The following SIPA1L3 variants were observed in gnomAD, a reference collection of about 807,000 sequenced individuals.
SIPA1L3 encodes the protein signal-induced proliferation-associated 1-like protein 3.
A neutral mutation model predicts 150.1 loss-of-function variants in SIPA1L3; 59 were observed. That is an observed-to-expected ratio of 0.39 (90% CI 0.32 to 0.49). The LOEUF (loss-of-function observed/expected upper bound fraction) is 0.49, where lower values mean the gene tolerates loss of function less well. Ranked by LOEUF, SIPA1L3 falls within the 20% of genes least tolerant of loss-of-function variation. The pLI, the probability that SIPA1L3 is intolerant of heterozygous loss-of-function variation, is 0.86. For missense variants in SIPA1L3, 2,211 were observed against 2,489.5 expected (o/e 0.89, Z 2.38); for synonymous variants, 1,070 against 1,077.6 (o/e 0.99, Z 0.14).
At chr19:37,984,330 A>G (rs1273047889) in intron 1 of SIPA1L3, among the ~76,000 whole-genome samples, 3 of 152,186 alleles carry the variant, frequency 2.0e-5, no homozygotes, top group Non-Finnish European at 2.9e-5. Context: ...AGAAGCATAC[A>G]TCTAGTAGGA....
intron 2 of SIPA1L3, among the ~76,000 whole-genome samples, chr19:38,057,116 C>G (rs1969334479): frequency 6.6e-6 from 1 of 151,734 alleles, no homozygotes; most frequent in Non-Finnish European, 1.5e-5. Flanking sequence ...ACTACAAATA[C>G]AAAAATTAGT....
rs374911125 is a variant in SIPA1L3 at position 38,046,173 on chromosome 19, G to C, written c.-311+17017G>C. On this transcript the variant is annotated intron_variant, in intron 2 of 21. Transcript: ENST00000222345. The surrounding 1 kb of genome is among the most constrained non-coding windows in gnomAD (Gnocchi z 5.6). ...TAGACGAGAAGGTGCCCTGGTTCTC[G>C]ACTCATCAGCCTCTAGGAAAGAAGC... Among the ~76,000 whole-genome samples the C allele has an allele frequency of 3.8e-4, 58 of 152,118 alleles. No homozygotes were observed. In the South Asian group the frequency reaches 0.012, roughly 30 times the overall value.
intron 1 of SIPA1L3, among the ~76,000 whole-genome samples, chr19:38,022,123 C>A (rs1568505907): frequency 6.6e-6 from 1 of 152,194 alleles, no homozygotes; most frequent in East Asian, 1.9e-4. Context: ...GGGTTCAAAT[C>A]CCTCCTGGCT....
At chr19:38,004,154 A>G (rs891382555) in intron 1 of SIPA1L3, among the ~76,000 whole-genome samples, 1 of 152,174 alleles carries the variant, frequency 6.6e-6, no homozygotes, top group Non-Finnish European at 1.5e-5. Flanking sequence ...AATCCATTTA[A>G]CAGCTCAATC....
At chr19:38,166,804 G>A (rs572313352) in intron 15 of SIPA1L3, among the ~76,000 whole-genome samples, 4 of 152,056 alleles carry the variant, frequency 2.6e-5, no homozygotes, top group South Asian at 2.1e-4. Context: ...CTCCTGTGGC[G>A]CCCTAAAGCC....
chr19:38,081,817 C>G lies in SIPA1L3; in HGVS notation c.252C>G (p.Ala84=). The part of the protein sequence containing the change: ...MPKMGVRARV[A]DWPPKREALR... ...AGATGGGCGTGCGCGCAAGGGTGGC[C>G]GACTGGCCGCCCAAGCGGGAGGCCC... Residue 84 remains alanine (A), a synonymous_variant, in exon 3 of 22, where the codon GCC becomes GCG. Coordinates refer to ENST00000222345, the MANE Select transcript of SIPA1L3 (RefSeq NM_015073.3). 6.2e-7 allele frequency: 1 copy of G among 1,613,604 alleles called. No individual in the cohort carries two copies. Among genetic ancestry groups the G allele is most frequent in the Non-Finnish European group, 8.5e-7 (1 of 1,179,838 alleles).
chr19:38,133,257 C>A (rs1971355501), intron 10 of SIPA1L3, among the ~76,000 whole-genome samples: 2 of 152,234 alleles, frequency 1.3e-5, no homozygotes, highest in Non-Finnish European at 2.9e-5. Context: ...CCCCTCCAGT[C>A]CTGTTTCACA....
At position 38,206,296 on chromosome 19, in the gene SIPA1L3, C is replaced by G; in HGVS notation, c.*56C>G. 6.7e-7 allele frequency: 1 copy of G among 1,489,698 alleles called. No homozygotes were observed. Among genetic ancestry groups the G allele is most frequent in the Non-Finnish European group, 9.0e-7 (1 of 1,111,444 alleles). The allele number at this position is 1,489,698 out of a possible 1,614,324, so 92.3% of individuals were successfully genotyped here. ...TCCCCTCAGGCCGTGGCCCTGCTGC[C>G]TCTCTCCCTCCACTCAGCTCCCAGC... On this transcript the variant is annotated 3_prime_UTR_variant, in exon 22 of 22. Coordinates refer to ENST00000222345, the MANE Select transcript of SIPA1L3 (RefSeq NM_015073.3).
intron 1 of SIPA1L3, among the ~76,000 whole-genome samples, chr19:37,935,521 T>G (rs1365805831): frequency 6.6e-6 from 1 of 152,204 alleles, no homozygotes; most frequent in Non-Finnish European, 1.5e-5. Flanking sequence ...AGTTTCTTAT[T>G]TCTTGTGAAC....
intron 21 of SIPA1L3, among the ~76,000 whole-genome samples, chr19:38,205,598 C>A (rs901582035): frequency 6.6e-6 from 1 of 152,266 alleles, no homozygotes; most frequent in Non-Finnish European, 1.5e-5. Context: ...CTGACCCCCG[C>A]CCCACTGCAT....
At chr19:37,953,816 A>G (rs529571818) in intron 1 of SIPA1L3, among the ~76,000 whole-genome samples, 3 of 152,270 alleles carry the variant, frequency 2.0e-5, no homozygotes, top group South Asian at 4.1e-4. Flanking sequence ...TTTGTGCCCC[A>G]TGCTGAGTTC....
intron 1 of SIPA1L3, among the ~76,000 whole-genome samples, chr19:37,965,122 G>C (rs1332791357): frequency 6.6e-6 from 1 of 152,234 alleles, no homozygotes; most frequent in South Asian, 2.1e-4. Context: ...CCCATGGATA[G>C]TTTATAAAGA....
At chr19:38,076,613 C>T (rs1430460049) in intron 2 of SIPA1L3, among the ~76,000 whole-genome samples, 1 of 152,166 alleles carries the variant, frequency 6.6e-6, no homozygotes, top group Non-Finnish European at 1.5e-5. Flanking sequence ...ATACTGTAAG[C>T]CCTGAATAAC....
rs1223843259 is a variant in SIPA1L3 at position 38,081,569 on chromosome 19, A to G, written c.4A>G (p.Thr2Ala). 5 of 1,579,442 alleles carry G rather than the reference A, an allele frequency of 3.2e-6. No homozygotes were observed. The highest frequency in any genetic ancestry group is 4.3e-6 in the Non-Finnish European group (5 of 1,159,096). ...AGCACTCCAGTGCCCGTGGACTATG[A>G]CCACCTATCGGGCCATCCCCAGCGA... M[T>A]TYRAIPSDGV... Residue 2 changes from threonine (T) to alanine (A), a missense_variant, in exon 3 of 22, where the codon ACC becomes GCC. Around this residue, in one of 5 missense-constraint regions of SIPA1L3, gnomAD observed 130 missense variants for 174.5 expected, o/e 0.74. Coordinates refer to ENST00000222345, the MANE Select transcript of SIPA1L3 (RefSeq NM_015073.3).
intron 13 of SIPA1L3, among the ~76,000 whole-genome samples, chr19:38,158,851 G>C (rs1477957867): frequency 6.6e-6 from 1 of 152,232 alleles, no homozygotes; most frequent in Non-Finnish European, 1.5e-5. Flanking sequence ...GCCATGTTCA[G>C]TGAGAGGTGC....
At chr19:37,918,915 T>TAAACAAACAAAC (rs67434473) in intron 1 of SIPA1L3, among the ~76,000 whole-genome samples, 2 of 136,528 alleles carry the variant, frequency 1.5e-5, no homozygotes, top group East Asian at 4.4e-4. Context: ...AATAAATAAA[T>TAAACAAACAAAC]AAACAAACTG....
intron 1 of SIPA1L3, among the ~76,000 whole-genome samples, chr19:38,009,857 G>A (rs889083351): frequency 2.6e-5 from 4 of 152,140 alleles, no homozygotes; most frequent in Non-Finnish European, 5.9e-5. Context: ...TGATATGGAT[G>A]GTTAATCATG....
chr19:37,995,055 G>A (rs1411723588), intron 1 of SIPA1L3, among the ~76,000 whole-genome samples: 1 of 152,212 alleles, frequency 6.6e-6, no homozygotes, highest in East Asian at 1.9e-4. Flanking sequence ...GGCATCCTGA[G>A]CTAGGAGGAG....
intron 12 of SIPA1L3, among the ~76,000 whole-genome samples, chr19:38,146,139 C>T (rs148436660): frequency 3.9e-5 from 6 of 152,346 alleles, no homozygotes; most frequent in Middle Eastern, 3.4e-3. Flanking sequence ...GCTAGGATTA[C>T]AGGCGTGAGC....
Sources: gnomAD v4.1 joint callset for allele counts (sites outside exome capture counted in the v4.1 genomes callset) on GRCh38, gnomAD v4.1.1 for gene constraint, gnomAD v4.1.1 regional missense constraint, Gnocchi (gnomAD v3.1) non-coding constraint, MANE v1.5 for transcripts, NCBI Gene and HGNC (gene_info 2026-07-23, HGNC 2026-07-21) for gene names.